Variants in EIF3A observed in about 807,000 individuals in gnomAD.
EIF3A encodes the protein eukaryotic translation initiation factor 3 subunit A.
Under a neutral mutation model 186.6 loss-of-function variants are expected in EIF3A, and 21 were observed. That is an observed-to-expected ratio of 0.11 (90% CI 0.08 to 0.16). The LOEUF is 0.16. Among genes scored for constraint, EIF3A ranks in the 10% least tolerant of loss-of-function variants. The pLI is 1.00. For synonymous variants in EIF3A, 563 were observed against 584.3 expected (o/e 0.96, Z 0.52); for missense variants, 1,306 against 1,796.3 (o/e 0.73, Z 4.93).
chr10:119,058,861 T>C (rs1221943128), intron 11 of EIF3A, among the ~76,000 whole-genome samples: 11 of 152,118 alleles, frequency 7.2e-5, no homozygotes, highest in Admixed American at 7.2e-4. Context: ...CCAGCCTGGG[T>C]GAGAGTGAGA....
chr10:119,068,232 G>C (rs562703348), intron 6 of EIF3A, among the ~76,000 whole-genome samples: 1 of 152,176 alleles, frequency 6.6e-6, no homozygotes, highest in African/African-American at 2.4e-5. Flanking sequence ...AAGTTTCTCT[G>C]AACGTGTGGA....
chr10:119,041,884 A>C, intron 19 of EIF3A, 110 bp downstream of exon 19: 1 of 1,204,898 alleles, frequency 8.3e-7, no homozygotes, highest in Non-Finnish European at 1.2e-6. Context: ...TGAAGGAAAG[A>C]TGAAAGACCA....
intron 1 of EIF3A, among the ~76,000 whole-genome samples, chr10:119,075,300 G>A (rs1844148674): frequency 6.6e-6 from 1 of 151,944 alleles, no homozygotes; most frequent in Non-Finnish European, 1.5e-5. Flanking sequence ...TGAGCCCGAA[G>A]GCATTCTATG....
chr10:119,039,047 T>C (rs534296191), intron 19 of EIF3A, among the ~76,000 whole-genome samples: 12 of 152,220 alleles, frequency 7.9e-5, no homozygotes, highest in Non-Finnish European at 1.3e-4. Context: ...GATTTCAGCA[T>C]AGTATCTGTT....
In EIF3A at chr10:119,076,959, T is replaced by C. The variant is rs1248274127; in HGVS notation, c.50-3022A>G. Among the ~76,000 whole-genome samples, 20 of 119,760 alleles carry C rather than the reference T, an allele frequency of 1.7e-4. No homozygotes were observed. In the Admixed American group the frequency reaches 1.7e-3, roughly 10 times the overall value. 78.6% of individuals were successfully genotyped at this position (119,760 alleles called of 152,430 possible). A position where few individuals can be genotyped will look rare whatever the true frequency, so the allele number is the denominator to read the frequency against. Reference sequence around the variant, plus strand: ...TCTCAAAAAAAAAAAAAAAAGAAAATGTAACAGTACATTAGGCGTTCTTCA... The same window carrying C: ...TCTCAAAAAAAAAAAAAAAAGAAAACGTAACAGTACATTAGGCGTTCTTCA... On this transcript the variant is annotated intron_variant, in intron 1 of 21. Coordinates refer to ENST00000369144, the MANE Select transcript of EIF3A (RefSeq NM_003750.4).
At chr10:119,077,158 ACAG>A (rs1004293456) in intron 1 of EIF3A, among the ~76,000 whole-genome samples, 10 of 152,138 alleles carry the variant, frequency 6.6e-5, no homozygotes, top group African/African-American at 2.4e-4. Context: ...CACTTCCTGA[ACAG>A]CCAATTAGAA....
intron 19 of EIF3A, among the ~76,000 whole-genome samples, chr10:119,040,698 C>T (rs1342561715): frequency 6.6e-6 from 1 of 151,856 alleles, no homozygotes. Context: ...TGGTGAAACC[C>T]CATCTCTATT....
chr10:119,046,828 A>G (rs1348969549), intron 17 of EIF3A, among the ~76,000 whole-genome samples: 2 of 152,126 alleles, frequency 1.3e-5, no homozygotes, highest in Admixed American at 1.3e-4. Flanking sequence ...ATGGTGGCAC[A>G]TGCCTGTAAT....
chr10:119,059,367 T>C lies in EIF3A; in HGVS notation c.1474A>G (p.Ser492Gly), dbSNP rs549355028. The part of the protein sequence containing the change: ...VRIDHTSRTL[S>G]FGSDLNYATR... ...GCATAATTCAAATCAGATCCAAAAC[T>C]CAGGGTCCGAGAAGTGTGATCAATA... The change falls in exon 11 of 22, where the codon AGT becomes GGT. Residue 492 changes from serine (S) to glycine (G), a missense_variant. Coordinates refer to ENST00000369144, the MANE Select transcript of EIF3A (RefSeq NM_003750.4). The C allele has an allele frequency of 3.4e-5, 54 of 1,604,008 alleles. No individual in the cohort carries two copies. In the South Asian group the frequency reaches 5.8e-4, roughly 17 times the overall value.
At position 119,059,233 on chromosome 10, in the gene EIF3A, G is replaced by T; in HGVS notation, c.1608C>A (p.Val536=). Residue 536 remains valine, a synonymous_variant, in exon 11 of 22, where the codon GTC becomes GTA. Coordinates refer to ENST00000369144, the MANE Select transcript of EIF3A (RefSeq NM_003750.4). The part of the protein sequence containing the change: ...MSSVLAKALE[V]IKPAHILQEK... ...ATACCAGTATATGAGCTGGTTTAAT[G>T]ACTTCAAGTGCTTTTGCAAGTACTG... 6.2e-7 allele frequency: 1 copy of T among 1,614,128 alleles called. No homozygotes were observed. Among genetic ancestry groups the T allele is most frequent in the South Asian group, 1.1e-5 (1 of 91,064 alleles).
rs1456050795 is a variant in EIF3A at position 119,058,287 on chromosome 10, T to C, written c.1646A>G (p.Gln549Arg). ...GTATGCAGTGACAGCCAACTGATGCTGTTCTTCTTTCTCTTGCTTCAAAAA... is the reference window on the plus strand; with the variant it reads ...GTATGCAGTGACAGCCAACTGATGCCGTTCTTCTTTCTCTTGCTTCAAAAA... ...PAHILQEKEE[Q>R]HQLAVTAYLK... Residue 549 changes from glutamine (Q) to arginine (R), a missense_variant, in exon 12 of 22, where the codon CAG becomes CGG. Gln to Arg is a conservative substitution (Grantham distance 43). This residue lies in a region of EIF3A where 44 missense variants were observed against 43.4 expected (regional missense o/e 1.01). Transcript: ENST00000369144. The C allele has an allele frequency of 6.3e-7, 1 of 1,586,456 alleles. No homozygotes were observed. The highest frequency in any genetic ancestry group is 8.6e-7 in the Non-Finnish European group (1 of 1,167,548).
At position 119,058,271 on chromosome 10, in the gene EIF3A, G is replaced by A. The variant is rs910448502; in HGVS notation, c.1662C>T (p.Val554=). The A allele has an allele frequency of 6.9e-6, 11 of 1,604,246 alleles. No homozygotes were observed. The highest frequency in any genetic ancestry group is 9.4e-6 in the Non-Finnish European group (11 of 1,175,714). ...QEKEEQHQLA[V]TAYLKNSRKE... is the part of the protein sequence containing the mutation. ...TTCGTGAATTTTTAAGGTATGCAGT[G>A]ACAGCCAACTGATGCTGTTCTTCTT... is the stretch of plus-strand genomic sequence containing the variant. Residue 554 remains valine (V), a synonymous_variant, in exon 12 of 22, where the codon GTC becomes GTT. Transcript: ENST00000369144.
chr10:119,075,711 C>CTTTTTTTTTTTTTTTTT (rs58392465), intron 1 of EIF3A, among the ~76,000 whole-genome samples: 1 of 65,274 alleles, frequency 1.5e-5, no homozygotes, highest in Non-Finnish European at 2.6e-5. Flanking sequence ...TGGAAAAAGA[C>CTTTTTTTTTTTTTTTTT]TTTTTTTTTT....
In EIF3A at chr10:119,036,027, T is replaced by G; in HGVS notation, c.*12A>C. ...TATTTAAGACACCAGTTTAAATCCA[T>G]TATCTTGAGACTTAACGTCGTACTG... On this transcript the variant is annotated 3_prime_UTR_variant, in exon 22 of 22. Transcript: ENST00000369144. 1 of 1,597,960 alleles carries G rather than the reference T, an allele frequency of 6.3e-7. No individual in the cohort carries two copies. The highest frequency in any genetic ancestry group is 8.6e-7 in the Non-Finnish European group (1 of 1,165,238).
intron 17 of EIF3A, among the ~76,000 whole-genome samples, chr10:119,044,763 G>A (rs1334365112): frequency 3.3e-5 from 5 of 151,970 alleles, no homozygotes; most frequent in African/African-American, 4.8e-5. Context: ...CAGGAGAATC[G>A]CTTGAACCCA....
chr10:119,067,452 G>A (rs537394087), intron 6 of EIF3A, among the ~76,000 whole-genome samples: 9 of 152,230 alleles, frequency 5.9e-5, no homozygotes, highest in Admixed American at 1.3e-4. Flanking sequence ...TTAGCTGGAC[G>A]TGGTCGCGCT....
chr10:119,052,368 T>TTTGTGTGTGTGTGTG (rs140398720), intron 14 of EIF3A, among the ~76,000 whole-genome samples: 2 of 122,972 alleles, frequency 1.6e-5, no homozygotes, highest in African/African-American at 5.9e-5. Flanking sequence ...TTTTTTGGTT[T>TTTGTGTGTGTGTGTG]TGTGTGTGTG....
chr10:119,062,113 C>T (rs9325559), intron 7 of EIF3A, among the ~76,000 whole-genome samples: 23,638 of 152,084 alleles, frequency 0.16, 2,002 homozygotes, highest in Admixed American at 0.18. Context: ...TCTAACACTT[C>T]CTCCTTATAA....
chr10:119,057,397 T>G (rs2119819254), intron 12 of EIF3A, among the ~76,000 whole-genome samples: 1 of 152,284 alleles, frequency 6.6e-6, no homozygotes, highest in South Asian at 2.1e-4. Context: ...GACAGGTCAG[T>G]CAAAATGCAT....
Sources: gnomAD v4.1 joint callset for allele counts (sites outside exome capture counted in the v4.1 genomes callset) on GRCh38, gnomAD v4.1.1 for gene constraint, gnomAD v4.1.1 regional missense constraint, MANE v1.5 for transcripts, NCBI Gene and HGNC (gene_info 2026-07-23, HGNC 2026-07-21) for gene names.